The following LPO variants were observed in gnomAD, a reference collection of about 807,000 sequenced individuals.
LPO encodes lactoperoxidase, also known as salivary peroxidase.
A neutral mutation model predicts 68.4 loss-of-function variants in LPO; 70 were observed. That is an observed-to-expected ratio of 1.02 (90% CI 0.84 to 1.25). The LOEUF (loss-of-function observed/expected upper bound fraction) is 1.25. LPO is among the 50% of genes most tolerant of loss of function. The pLI is 0.00. For synonymous variants in LPO, 360 were observed against 357.6 expected (o/e 1.01, Z -0.08); for missense variants, 873 against 908.4 (o/e 0.96, Z 0.50).
At chr17:58,240,167 G>A (rs1969727514) in intron 1 of LPO, among the ~76,000 whole-genome samples, 1 of 152,142 alleles carries the variant, frequency 6.6e-6, no homozygotes, top group Non-Finnish European at 1.5e-5. Context: ...ATTTGGTCTG[G>A]GTTTTGAAGA....
At chr17:58,254,158 TAG>T (rs1970022593) in intron 8 of LPO, among the ~76,000 whole-genome samples, 13 of 151,104 alleles carry the variant, frequency 8.6e-5, no homozygotes, top group Non-Finnish European at 1.3e-4. Context: ...GATATATAGA[TAG>T]ATAGATAGAT....
chr17:58,259,029 G>T (rs8178368), intron 9 of LPO, among the ~76,000 whole-genome samples: 297 of 149,950 alleles, frequency 2.0e-3, no homozygotes, highest in East Asian at 5.5e-3. Flanking sequence ...TTTGGTGGGG[G>T]TTTTTTTTTT....
At position 58,264,870 on chromosome 17, in the gene LPO, C is replaced by G; in HGVS notation, c.1415C>G (p.Pro472Arg). 4 of 1,614,238 alleles carry G rather than the reference C, an allele frequency of 2.5e-6. No homozygotes were observed. The highest frequency in any genetic ancestry group is 3.4e-6 in the Non-Finnish European group (4 of 1,180,048). ...FAFRFGHLEV[P>R]SSMFRLDENY... ...TTCCGCTTTGGCCACTTGGAGGTCC[C>G]CTCTAGTATGTTCCGCCTGGATGAG... Residue 472 changes from proline (P) to arginine (R), a missense_variant, in exon 10 of 13, where the codon CCC (proline) becomes CGC (arginine). Transcript: ENST00000262290.
rs535593025 is a variant in LPO, at chr17:58,244,937, T to C, written c.164+856T>C. Among the ~76,000 whole-genome samples, 11 of 152,324 alleles carry C rather than the reference T, an allele frequency of 7.2e-5. No individual in the cohort carries two copies. The South Asian group carries it at 2.1e-3, about 29-fold the overall frequency. ...GCCTTCCCTCAGGAAACGCACACTC[T>C]AGGGAGAGGGCAGACATTGAGAAAA... On this transcript the variant is annotated intron_variant, in intron 3 of 12. Coordinates refer to ENST00000262290, the MANE Select transcript of LPO (RefSeq NM_006151.3).
chr17:58,250,785 A>G lies in LPO; in HGVS notation c.780+164A>G, dbSNP rs1026069693. Reference sequence around the variant, plus strand: ...CGTTCACTCATCCGTTTATTCAGTAAATAGACATTGACCACCCCATACCAG... The same window carrying G: ...CGTTCACTCATCCGTTTATTCAGTAGATAGACATTGACCACCCCATACCAG... On this transcript the variant is annotated intron_variant, in intron 7 of 12. Transcript: ENST00000262290. The G allele has an allele frequency of 4.3e-5, 30 of 699,422 alleles. No homozygotes were observed. In the African/African-American group the frequency reaches 4.6e-4, roughly 11 times the overall value. The allele number at this position is 699,422 out of a possible 1,614,324, so 43.3% of individuals were successfully genotyped here.
In LPO at chr17:58,252,172, C is replaced by T. The variant is rs1346544767; in HGVS notation, c.781-10C>T. 1 of 1,612,104 alleles carries T rather than the reference C, an allele frequency of 6.2e-7. No homozygotes were observed. Among genetic ancestry groups the T allele is most frequent in the Non-Finnish European group, 8.5e-7 (1 of 1,178,642 alleles). On this transcript the variant is annotated splice_polypyrimidine_tract_variant and intron_variant, in intron 7 of 12. Transcript: ENST00000262290. The stretch of plus-strand genomic sequence containing the variant: ...CCCTGCCCAGTCACTTATGCCCACT[C>T]TCTCTGCAGTTCCCACCCAATGACC...
chr17:58,239,771 G>A (rs149398787), intron 1 of LPO, among the ~76,000 whole-genome samples: 86 of 152,284 alleles, frequency 5.6e-4, no homozygotes, highest in Non-Finnish European at 7.2e-4. Flanking sequence ...TACTGGAAAT[G>A]CAGACTTTCA....
rs771683674 is a variant in LPO, at chr17:58,254,975, G to A, written c.1266+4G>A. The A allele has an allele frequency of 2.5e-6, 4 of 1,613,378 alleles. No homozygotes were observed. The South Asian group carries it at 4.4e-5, about 18-fold the overall frequency. On this transcript the variant is annotated splice_donor_region_variant and intron_variant, in intron 9 of 12. Coordinates refer to ENST00000262290, the MANE Select transcript of LPO (RefSeq NM_006151.3). ...AATCCTGGGAGCCTTCGTGCAGGTA[G>A]GGAGTCCCAGGAGCACTGTCACCTG... is the stretch of plus-strand genomic sequence containing the variant.
In LPO at chr17:58,241,105, GTTCTT is replaced by G. The variant is rs1354561852; in HGVS notation, c.-2-1860_-2-1856del. Among the ~76,000 whole-genome samples, 6 of 128,980 alleles carry G rather than the reference GTTCTT, an allele frequency of 4.7e-5. No individual in the cohort carries two copies. In the East Asian group the frequency reaches 1.1e-3, roughly 24 times the overall value. The allele number at this position is 128,980 out of a possible 152,430, so 84.6% of individuals were successfully genotyped here. A position where few individuals can be genotyped will look rare whatever the true frequency, so the allele number is the denominator to read the frequency against. ...TGCTATGTGGATTTTTGTTGTTGTT[GTTCTT>G]TTCTTTTCTTTTTTCTTTTTTTTTT... On this transcript the variant is annotated intron_variant, in intron 1 of 12. Coordinates refer to ENST00000262290, the MANE Select transcript of LPO (RefSeq NM_006151.3).
chr17:58,252,345 G>T lies in LPO; in HGVS notation c.944G>T (p.Ser315Ile). The stretch of plus-strand genomic sequence containing the variant: ...AGCTTTGTGTACAGCTCCGAGCCAA[G>T]CCTGGCCAGCCGCCTCCGCAACCTC... ...DASFVYSSEP[S>I]LASRLRNLSS... Residue 315 changes from serine (S) to isoleucine (I), a missense_variant, in exon 8 of 13, where the codon AGC becomes ATC. By Grantham distance (142) the Ser-to-Ile change is moderately radical. Transcript: ENST00000262290. 1.2e-6 allele frequency: 2 copies of T among 1,614,206 alleles called. No individual in the cohort carries two copies. The highest frequency in any genetic ancestry group is 1.7e-6 in the Non-Finnish European group (2 of 1,180,054).
chr17:58,253,143 A>G (rs1473542474), intron 8 of LPO, among the ~76,000 whole-genome samples: 1 of 151,724 alleles, frequency 6.6e-6, no homozygotes, highest in Non-Finnish European at 1.5e-5. Context: ...ATTTTCCAGT[A>G]TTTTTTCTAT....
chr17:58,263,884 G>A (rs1213311735), intron 9 of LPO, among the ~76,000 whole-genome samples: 2 of 152,152 alleles, frequency 1.3e-5, no homozygotes, highest in Non-Finnish European at 2.9e-5. Flanking sequence ...CACTCTTCTG[G>A]TGTTTGGGGG....
intron 4 of LPO, among the ~76,000 whole-genome samples, chr17:58,248,682 T>C (rs911678888): frequency 6.6e-6 from 1 of 152,138 alleles, no homozygotes; most frequent in African/African-American, 2.4e-5. Context: ...AGCAGTCTTA[T>C]CACACTAACT....
At chr17:58,251,785 A>C in intron 7 of LPO, 1 of 515,044 alleles carries the variant, frequency 1.9e-6, no homozygotes. Flanking sequence ...GACTGAGATG[A>C]GTTAAAGTAT....
At chr17:58,254,144 T>TAGATAG (rs1567819842) in intron 8 of LPO, among the ~76,000 whole-genome samples, 1 of 64,820 alleles carries the variant, frequency 1.5e-5, no homozygotes, top group Non-Finnish European at 3.2e-5. Context: ...TATATAGATA[T>TAGATAG]ATAGATATAT....
intron 8 of LPO, among the ~76,000 whole-genome samples, chr17:58,254,375 T>C (rs1970028082): frequency 6.6e-6 from 1 of 152,080 alleles, no homozygotes; most frequent in Non-Finnish European, 1.5e-5. Flanking sequence ...GCTCCTCACC[T>C]CAAACCCGCA....
chr17:58,267,614 A>T lies in LPO; in HGVS notation c.1931+28A>T, dbSNP rs750433815. The T allele has an allele frequency of 1.9e-6, 3 of 1,576,038 alleles. No individual in the cohort carries two copies. The South Asian group carries it at 3.5e-5, about 18-fold the overall frequency. ...AAGTGCGTCCTCAGCCAGGGAGGGA[A>T]GGGCAGGGCCCTTCTCCAAGAGGGG... On this transcript the variant is annotated intron_variant, in intron 12 of 12. Coordinates refer to ENST00000262290, the MANE Select transcript of LPO (RefSeq NM_006151.3).
chr17:58,256,407 G>GTTTT (rs34122568), intron 9 of LPO, among the ~76,000 whole-genome samples: 4,085 of 138,632 alleles, frequency 0.029, 186 homozygotes, highest in African/African-American at 0.1. Flanking sequence ...ATTTTTAGGT[G>GTTTT]TTTTTTTTTT....
chr17:58,267,615 G>T (rs758518307), intron 12 of LPO, 29 bp downstream of exon 12: 2 of 1,573,358 alleles, frequency 1.3e-6, no homozygotes. Context: ...AGGGAGGGAA[G>T]GGCAGGGCCC....
Sources: gnomAD v4.1 joint callset for allele counts (sites outside exome capture counted in the v4.1 genomes callset) on GRCh38, gnomAD v4.1.1 for gene constraint, MANE v1.5 for transcripts, NCBI Gene and HGNC (gene_info 2026-07-23, HGNC 2026-07-21) for gene names.